The following ABI1 variants were observed in gnomAD, a reference collection of about 807,000 sequenced individuals.
ABI1 encodes the protein Abelson interactor 1.
A neutral mutation model predicts 54.6 loss-of-function variants in ABI1; 14 were observed. That is an observed-to-expected ratio of 0.26 (90% CI 0.17 to 0.40). The LOEUF (loss-of-function observed/expected upper bound fraction) is 0.40. ABI1 is among the 10% of genes least tolerant of loss of function. The pLI is 1.00. For missense variants in ABI1, 443 were observed against 598.3 expected (o/e 0.74, Z 2.71); for synonymous variants, 194 against 209.3 (o/e 0.93, Z 0.63).
At chr10:26,815,945 A>G (rs1331985051) in intron 2 of ABI1, among the ~76,000 whole-genome samples, 1 of 152,202 alleles carries the variant, frequency 6.6e-6, no homozygotes, top group Non-Finnish European at 1.5e-5. Context: ...TTCAGTTACC[A>G]CAAGAACTAT....
chr10:26,748,228 C>T lies in ABI1; in HGVS notation c.*342G>A, dbSNP rs1837154093. On this transcript the variant is annotated 3_prime_UTR_variant, in exon 11 of 11. Coordinates refer to ENST00000376140, the MANE Select transcript of ABI1 (RefSeq NM_001012750.3). ...ATTAGTCTGACATAGCGTTAGTAACCATGCTGCACTGAAACATGTAATGGT... is the reference window on the plus strand; with the variant it reads ...ATTAGTCTGACATAGCGTTAGTAACTATGCTGCACTGAAACATGTAATGGT... The T allele has an allele frequency of 4.1e-6, 1 of 241,332 alleles. No homozygotes were observed. The highest frequency in any genetic ancestry group is 5.4e-5 in the Admixed American group (1 of 18,364). The allele number at this position is 241,332 out of a possible 1,614,324, so 14.9% of individuals were successfully genotyped here.
At chr10:26,797,484 T>G (rs1844343432) in intron 2 of ABI1, among the ~76,000 whole-genome samples, 1 of 152,192 alleles carries the variant, frequency 6.6e-6, no homozygotes, top group African/African-American at 2.4e-5. Flanking sequence ...ATTCACATAT[T>G]ATCACAGGGA....
intron 2 of ABI1, among the ~76,000 whole-genome samples, chr10:26,794,290 C>T (rs951947853): frequency 2.0e-5 from 3 of 151,952 alleles, no homozygotes; most frequent in African/African-American, 7.3e-5. Context: ...CATGGTGGCT[C>T]ACGCCTGTAG....
intron 2 of ABI1, among the ~76,000 whole-genome samples, chr10:26,779,122 T>C (rs1243472574): frequency 1.3e-5 from 2 of 152,228 alleles, no homozygotes; most frequent in African/African-American, 4.8e-5. Flanking sequence ...TAATTTTCTA[T>C]AGTTTTGGCA....
At chr10:26,760,075 C>A (rs1366819023) in intron 7 of ABI1, among the ~76,000 whole-genome samples, 5 of 148,622 alleles carry the variant, frequency 3.4e-5, no homozygotes, top group African/African-American at 1.2e-4. Flanking sequence ...TCCAAAGAAT[C>A]TGCTTTTAAA....
chr10:26,770,627 T>C (rs1024611107), intron 4 of ABI1: 4 of 620,554 alleles, frequency 6.4e-6, no homozygotes, highest in Non-Finnish European at 1.2e-5. Flanking sequence ...ATCAAACTTA[T>C]CTGCATTCAA....
In ABI1 at chr10:26,834,683, C is replaced by T. The variant is rs2048923417; in HGVS notation, c.118-11378G>A. Among the ~76,000 whole-genome samples the T allele has an allele frequency of 2.0e-5, 3 of 151,898 alleles. No individual in the cohort carries two copies. The South Asian group carries it at 6.3e-4, about 32-fold the overall frequency. On this transcript the variant is annotated intron_variant, in intron 1 of 10. Transcript: ENST00000376140. ...AACACAAATCAAAACCACAATGCAA[C>T]AGACCAGGCACGGTGGCTCACGCCT...
chr10:26,830,018 T>G (rs748807548), intron 1 of ABI1, among the ~76,000 whole-genome samples: 45 of 152,160 alleles, frequency 3.0e-4, no homozygotes, highest in Non-Finnish European at 4.4e-4. Flanking sequence ...TCACAACAGT[T>G]TTGCCTTTTC....
At chr10:26,830,315 A>G (rs913098252) in intron 1 of ABI1, among the ~76,000 whole-genome samples, 2 of 152,172 alleles carry the variant, frequency 1.3e-5, no homozygotes, top group Non-Finnish European at 2.9e-5. Flanking sequence ...AGTTAAGTGT[A>G]TATTTAACAT....
intron 1 of ABI1, among the ~76,000 whole-genome samples, chr10:26,832,383 C>G (rs1242647932): frequency 6.6e-6 from 1 of 152,034 alleles, no homozygotes; most frequent in East Asian, 1.9e-4. Flanking sequence ...GAGATCAAGA[C>G]CATCCTGGCT....
chr10:26,802,254 A>T (rs1204394702), intron 2 of ABI1, among the ~76,000 whole-genome samples: 1 of 152,232 alleles, frequency 6.6e-6, no homozygotes, highest in Non-Finnish European at 1.5e-5. Flanking sequence ...ATGCCATTAA[A>T]AGTAATTTAG....
In ABI1 at chr10:26,765,325, A is replaced by AG. The variant is rs1839803505; in HGVS notation, c.720-8dup. ...ACTTCCTCCACTACTTCCACTGAAA[A>AG]GAAAAAAAAAAACTGTGAAAAACCA... On this transcript the variant is annotated splice_polypyrimidine_tract_variant and splice_region_variant and intron_variant, in intron 6 of 10. Coordinates refer to ENST00000376140, the MANE Select transcript of ABI1 (RefSeq NM_001012750.3). The AG allele has an allele frequency of 4.5e-6, 7 of 1,569,022 alleles. No homozygotes were observed. The highest frequency in any genetic ancestry group is 6.0e-6 in the Non-Finnish European group (7 of 1,162,762).
chr10:26,820,500 G>T (rs1407814185), intron 2 of ABI1, among the ~76,000 whole-genome samples: 1 of 147,098 alleles, frequency 6.8e-6, no homozygotes, highest in Non-Finnish European at 1.5e-5. Context: ...GGGTCAGAAA[G>T]AAATAAAAAA....
intron 2 of ABI1, among the ~76,000 whole-genome samples, chr10:26,808,490 G>C (rs2047014221): frequency 6.6e-6 from 1 of 152,126 alleles, no homozygotes; most frequent in African/African-American, 2.4e-5. Context: ...GGGAGGCGGA[G>C]GCAGGTAGAT....
chr10:26,848,815 G>C (rs2050184524), intron 1 of ABI1, among the ~76,000 whole-genome samples: 1 of 151,798 alleles, frequency 6.6e-6, no homozygotes, highest in Non-Finnish European at 1.5e-5. Context: ...CACCATGTTG[G>C]CCAGGCTGGT....
intron 8 of ABI1, among the ~76,000 whole-genome samples, chr10:26,757,124 G>T (rs1838417034): frequency 6.6e-6 from 1 of 152,026 alleles, no homozygotes; most frequent in South Asian, 2.1e-4. Context: ...AAAAAGAAAA[G>T]CTATGCTGTG....
chr10:26,852,804 C>T (rs1164599072), intron 1 of ABI1, among the ~76,000 whole-genome samples: 1 of 152,096 alleles, frequency 6.6e-6, no homozygotes, highest in Non-Finnish European at 1.5e-5. Context: ...TGGTGGCTCA[C>T]GCCTGTAATC....
intron 3 of ABI1, among the ~76,000 whole-genome samples, chr10:26,775,281 A>T (rs1156615245): frequency 6.6e-6 from 1 of 152,184 alleles, no homozygotes; most frequent in Non-Finnish European, 1.5e-5. Context: ...TTTCAGTCAC[A>T]GAAACAAACT....
At chr10:26,785,201 CA>C (rs1320774589) in intron 2 of ABI1, among the ~76,000 whole-genome samples, 2 of 152,108 alleles carry the variant, frequency 1.3e-5, no homozygotes, top group Admixed American at 6.5e-5. Context: ...GAAATCTTAC[CA>C]GAAGCCAAGA....
Sources: gnomAD v4.1 joint callset for allele counts (sites outside exome capture counted in the v4.1 genomes callset) on GRCh38, gnomAD v4.1.1 for gene constraint, MANE v1.5 for transcripts, NCBI Gene and HGNC (gene_info 2026-07-23, HGNC 2026-07-21) for gene names.